The following NKX3-2 variants were observed in gnomAD, a reference collection of about 807,000 sequenced individuals.
NKX3-2 encodes NK3 homeobox 2, also known as homeobox protein Nkx-3.2.
A neutral mutation model predicts 19.4 loss-of-function variants in NKX3-2; 13 were observed. That is an observed-to-expected ratio of 0.67 (90% CI 0.44 to 1.07). The LOEUF (loss-of-function observed/expected upper bound fraction) is 1.07, where lower values mean the gene tolerates loss of function less well. Among genes scored for constraint, NKX3-2 ranks in the 50% least tolerant of loss-of-function variants. The probability of loss-of-function intolerance (pLI) is 0.00; values close to 1 mark genes in which losing one functional copy is unlikely to be tolerated. For synonymous variants in NKX3-2, 269 were observed against 230.5 expected (o/e 1.17, Z -1.51); for missense variants, 562 against 488.2 (o/e 1.15, Z -1.42).
chr4:13,542,308 G>C lies in NKX3-2; in HGVS notation c.687C>G (p.Arg229=). The C allele has an allele frequency of 6.2e-7, 1 of 1,602,676 alleles. No individual in the cohort carries two copies. The highest frequency in any genetic ancestry group is 8.5e-7 in the Non-Finnish European group (1 of 1,175,886). Residue 229 remains arginine (R), a synonymous_variant, in exon 2 of 2, where the codon CGC becomes CGG. Coordinates refer to ENST00000382438, the MANE Select transcript of NKX3-2 (RefSeq NM_001189.4). This position sits in a 1 kb window ranked among gnomAD's most constrained non-coding sequence, Gnocchi z 6.4. The part of the protein sequence containing the change: ...FELERRFNHQ[R]YLSGPERADL... ...CTGCGCGCTCGGGCCCGGACAGGTA[G>C]CGCTGGTGGTTAAAGCGGCGCTCCA... is the stretch of plus-strand genomic sequence containing the variant.
At chr4:13,545,044 C>T (rs1263477341), upstream of NKX3-2, 1 of 152,404 alleles carries the variant, frequency 6.6e-6, no homozygotes, top group Non-Finnish European at 1.5e-5. Flanking sequence ...GTACCACCCC[C>T]CTCCCGCCCG....
Position 13,542,246 on chromosome 4 carries a change from A to C in NKX3-2, c.749T>G (p.Val250Gly). The C allele has an allele frequency of 6.2e-7, 1 of 1,607,232 alleles. No homozygotes were observed. The highest frequency in any genetic ancestry group is 8.5e-7 in the Non-Finnish European group (1 of 1,177,788). ...GCGACGGTTCTGGAACCAGATTTTCACCTGCGTCTCGGTGAGCTTCAGCGA... is the reference window on the plus strand; with the variant it reads ...GCGACGGTTCTGGAACCAGATTTTCCCCTGCGTCTCGGTGAGCTTCAGCGA... ...AASLKLTETQ[V>G]KIWFQNRRYK... The change falls in exon 2 of 2, where the codon GTG becomes GGG. Residue 250 changes from valine (V) to glycine (G), a missense_variant. Val to Gly is a moderately radical substitution (Grantham distance 109). Transcript: ENST00000382438. The surrounding 1 kb of genome is among the most constrained non-coding windows in gnomAD (Gnocchi z 6.4).
chr4:13,543,971 G>A lies in NKX3-2; in HGVS notation c.444C>T (p.Ser148=), dbSNP rs867214108. Residue 148 remains serine, a synonymous_variant, in exon 1 of 2, where the codon AGC becomes AGT. Coordinates refer to ENST00000382438, the MANE Select transcript of NKX3-2 (RefSeq NM_001189.4). The surrounding 1 kb of genome is among the most constrained non-coding windows in gnomAD (Gnocchi z 7.1). The part of the protein sequence containing the change: ...LEEEAAGRSD[S]EMSASVSGDR... ...GACCTGAGACGCTGGCGGACATCTC[G>A]CTGTCGCTCCGGCCCGCGGCTTCCT... The A allele has an allele frequency of 7.7e-6, 12 of 1,553,208 alleles. No individual in the cohort carries two copies. The highest frequency in any genetic ancestry group is 1.0e-5 in the Non-Finnish European group (12 of 1,151,468).
Position 13,542,607 on chromosome 4 carries a change from T to C in NKX3-2, c.467-79A>G. ...TGAGGCCGGGCCTCAACTGCAGGGG[T>C]CACGGGAGTGGGGCGGAAATACACT... On this transcript the variant is annotated intron_variant, in intron 1 of 1. Coordinates refer to ENST00000382438, the MANE Select transcript of NKX3-2 (RefSeq NM_001189.4). The surrounding 1 kb of genome is among the most constrained non-coding windows in gnomAD (Gnocchi z 6.4). 1 of 1,541,232 alleles carries C rather than the reference T, an allele frequency of 6.5e-7. No homozygotes were observed. Among genetic ancestry groups the C allele is most frequent in the Non-Finnish European group, 8.8e-7 (1 of 1,130,184 alleles).
Position 13,541,374 on chromosome 4 carries a change from A to T in NKX3-2, c.*619T>A, listed in dbSNP as rs1290711207. 6.6e-6 allele frequency: 1 copy of T among 152,166 alleles called. No homozygotes were observed. Among genetic ancestry groups the T allele is most frequent in the Non-Finnish European group, 1.5e-5 (1 of 68,060 alleles). 9.4% of individuals were successfully genotyped at this position (152,166 alleles called of 1,614,324 possible). On this transcript the variant is annotated 3_prime_UTR_variant, in exon 2 of 2. Transcript: ENST00000382438. ...CTCCCCTCCTTACATTCAGCACCCG[A>T]ATCGGGCACCCCCACCCTAGCTCTG...
chr4:13,543,989 G>A lies in NKX3-2; in HGVS notation c.426C>T (p.Ala142=). 3.8e-6 allele frequency: 6 copies of A among 1,565,140 alleles called. No individual in the cohort carries two copies. The highest frequency in any genetic ancestry group is 2.5e-5 in the East Asian group (1 of 40,714). ...ACATCTCGCTGTCGCTCCGGCCCGCGGCTTCCTCCTCTAGGTCTTTGGAAG... is the reference window on the plus strand; with the variant it reads ...ACATCTCGCTGTCGCTCCGGCCCGCAGCTTCCTCCTCTAGGTCTTTGGAAG... The part of the protein sequence containing the change: ...LAASKDLEEE[A]AGRSDSEMSA... Residue 142 remains alanine, a synonymous_variant, in exon 1 of 2, where the codon GCC becomes GCT. Transcript: ENST00000382438. The surrounding 1 kb of genome is among the most constrained non-coding windows in gnomAD (Gnocchi z 7.1).
rs909146482 is a variant in NKX3-2 at position 13,543,406 on chromosome 4, T to A, written c.466+543A>T. Among the ~76,000 whole-genome samples the A allele has an allele frequency of 6.6e-6, 1 of 152,196 alleles. No individual in the cohort carries two copies. The highest frequency in any genetic ancestry group is 2.4e-5 in the African/African-American group (1 of 41,468). On this transcript the variant is annotated intron_variant, in intron 1 of 1. Transcript: ENST00000382438. The surrounding 1 kb of genome is among the most constrained non-coding windows in gnomAD (Gnocchi z 7.1). ...GGGCTGCTCTCCCAGACCTGGGGTC[T>A]GAGAAAGCCAAACCAGCCCTTTCCC...
upstream of NKX3-2, chr4:13,546,601 G>A (rs1217795582): frequency 3.3e-6 from 1 of 304,650 alleles, no homozygotes; most frequent in Non-Finnish European, 6.5e-6. Flanking sequence ...GCAGGTATGG[G>A]TTTGGTGTCC....
In NKX3-2 at chr4:13,544,152, G is replaced by C. The variant is rs767746306; in HGVS notation, c.263C>G (p.Pro88Arg). Residue 88 changes from proline to arginine, a missense_variant, in exon 1 of 2, where the codon CCG (proline) becomes CGG (arginine). Transcript: ENST00000382438. ...CGCGGAGTCCGAGTCCCAGCCTTCC[G>C]GGCTCTCCGCAGTCCGCCCCGCAGC... ...RTAAGRTAES[P>R]EGWDSDSALS... The C allele has an allele frequency of 1.1e-5, 18 of 1,605,388 alleles. No homozygotes were observed. Among genetic ancestry groups the C allele is most frequent in the Admixed American group, 6.7e-5 (4 of 59,750 alleles).
In NKX3-2 at chr4:13,543,802, C is replaced by A; in HGVS notation, c.466+147G>T. ...CTCAGTTCCCGAAGTGATAGAGCAGCTCGCGCCAGAGCGCAGAACTTCGGG... is the reference window on the plus strand; with the variant it reads ...CTCAGTTCCCGAAGTGATAGAGCAGATCGCGCCAGAGCGCAGAACTTCGGG... On this transcript the variant is annotated intron_variant, in intron 1 of 1. Coordinates refer to ENST00000382438, the MANE Select transcript of NKX3-2 (RefSeq NM_001189.4). This position sits in a 1 kb window ranked among gnomAD's most constrained non-coding sequence, Gnocchi z 7.1. 4.1e-6 allele frequency: 3 copies of A among 730,900 alleles called. No individual in the cohort carries two copies. Among genetic ancestry groups the A allele is most frequent in the Non-Finnish European group, 6.3e-6 (3 of 472,898 alleles). The allele number at this position is 730,900 out of a possible 1,614,324, so 45.3% of individuals were successfully genotyped here.
chr4:13,541,993 T>C lies in NKX3-2; in HGVS notation c.1002A>G (p.Ter334TrpextTer5). The change falls in exon 2 of 2, where the codon TGA (stop) becomes TGG (tryptophan). Residue 334 changes from the stop codon to tryptophan, a stop_lost. Coordinates refer to ENST00000382438, the MANE Select transcript of NKX3-2 (RefSeq NM_001189.4). ...STCAAAAGTQ[*>W] ...ACTCGCTGCCTCAGCCCAAGCGGGT[T>C]CACTGGGTGCCTGCGGCAGCTGCGC... is the stretch of plus-strand genomic sequence containing the variant. 6.3e-7 allele frequency: 1 copy of C among 1,581,114 alleles called. No individual in the cohort carries two copies. The highest frequency in any genetic ancestry group is 8.6e-7 in the Non-Finnish European group (1 of 1,164,068).
At position 13,542,296 on chromosome 4, in the gene NKX3-2, C is replaced by A. The variant is rs770903003; in HGVS notation, c.699G>T (p.Gly233=). 4 of 1,607,082 alleles carry A rather than the reference C, an allele frequency of 2.5e-6. No homozygotes were observed. Among genetic ancestry groups the A allele is most frequent in the Middle Eastern group, 1.7e-4 (1 of 6,048 alleles). The change falls in exon 2 of 2, where the codon GGG becomes GGT. Residue 233 remains glycine (G), a synonymous_variant. Coordinates refer to ENST00000382438, the MANE Select transcript of NKX3-2 (RefSeq NM_001189.4). This position sits in a 1 kb window ranked among gnomAD's most constrained non-coding sequence, Gnocchi z 6.4. Reference sequence around the variant, plus strand: ...ACGCGGCCAGGTCTGCGCGCTCGGGCCCGGACAGGTAGCGCTGGTGGTTAA... The same window carrying A: ...ACGCGGCCAGGTCTGCGCGCTCGGGACCGGACAGGTAGCGCTGGTGGTTAA... ...RRFNHQRYLS[G]PERADLAASL...
upstream of NKX3-2, among the ~76,000 whole-genome samples, chr4:13,545,420 G>A (rs1577286033): frequency 3.9e-5 from 6 of 152,258 alleles, no homozygotes; most frequent in South Asian, 1.2e-3. Context: ...CTGTTCTCTA[G>A]GAAGGATTAT....
At chr4:13,546,644 G>A, upstream of NKX3-2, 1 of 348,402 alleles carries the variant, frequency 2.9e-6, no homozygotes, top group Non-Finnish European at 5.7e-6. Flanking sequence ...TTTAGTACTT[G>A]GTGCTGACAA....
chr4:13,546,944 C>T (rs1365482629), upstream of NKX3-2: 10 of 456,266 alleles, frequency 2.2e-5, no homozygotes, highest in Admixed American at 1.2e-4. Context: ...GAGAAAGGGG[C>T]TACGTTCCGC....
Position 13,544,146 on chromosome 4 carries a change from C to A in NKX3-2, c.269G>T (p.Gly90Val). 6.2e-7 allele frequency: 1 copy of A among 1,605,826 alleles called. No individual in the cohort carries two copies. The highest frequency in any genetic ancestry group is 8.5e-7 in the Non-Finnish European group (1 of 1,178,694). ...GCTGAGCGCGGAGTCCGAGTCCCAGCCTTCCGGGCTCTCCGCAGTCCGCCC... is the reference window on the plus strand; with the variant it reads ...GCTGAGCGCGGAGTCCGAGTCCCAGACTTCCGGGCTCTCCGCAGTCCGCCC... ...AAGRTAESPE[G>V]WDSDSALSEE... Residue 90 changes from glycine (G) to valine (V), a missense_variant, in exon 1 of 2, where the codon GGC becomes GTC. Coordinates refer to ENST00000382438, the MANE Select transcript of NKX3-2 (RefSeq NM_001189.4).
Position 13,542,151 on chromosome 4 carries a change from C to T in NKX3-2, c.844G>A (p.Val282Ile), listed in dbSNP as rs1479659229. The change falls in exon 2 of 2, where the codon GTA (valine) becomes ATA (isoleucine). Residue 282 changes from valine (V) to isoleucine (I), a missense_variant. Physicochemically the swap from Val to Ile is conservative, Grantham distance 29. Transcript: ENST00000382438. The surrounding 1 kb of genome is among the most constrained non-coding windows in gnomAD (Gnocchi z 6.4). ...ASAPAAKKVA[V>I]KVLVRDDQRQ... ...TGGTCGTCGCGCACCAGCACCTTTA[C>T]GGCCACCTTCTTGGCGGCGGGCGCC... 1.9e-6 allele frequency: 3 copies of T among 1,612,240 alleles called. No homozygotes were observed. Among genetic ancestry groups the T allele is most frequent in the Non-Finnish European group, 2.5e-6 (3 of 1,179,218 alleles).
chr4:13,547,399 C>G (rs933544875), upstream of NKX3-2: 2 of 353,968 alleles, frequency 5.7e-6, no homozygotes, highest in Non-Finnish European at 1.1e-5. Flanking sequence ...CGGCTTGGGC[C>G]GGCCCGGGAG....
rs1161197849 is a variant in NKX3-2 at position 13,541,982 on chromosome 4, C to T, written c.*11G>A. 6.4e-7 allele frequency: 1 copy of T among 1,571,726 alleles called. No homozygotes were observed. The highest frequency in any genetic ancestry group is 1.9e-5 in the Admixed American group (1 of 53,824). ...GCGCGGGAATCACTCGCTGCCTCAG[C>T]CCAAGCGGGTTCACTGGGTGCCTGC... On this transcript the variant is annotated 3_prime_UTR_variant, in exon 2 of 2. Coordinates refer to ENST00000382438, the MANE Select transcript of NKX3-2 (RefSeq NM_001189.4).
Sources: gnomAD v4.1 joint callset for allele counts (sites outside exome capture counted in the v4.1 genomes callset) on GRCh38, gnomAD v4.1.1 for gene constraint, Gnocchi (gnomAD v3.1) non-coding constraint, MANE v1.5 for transcripts, NCBI Gene and HGNC (gene_info 2026-07-23, HGNC 2026-07-21) for gene names.